ARHGEF10L: variants seen among roughly 807,000 people sequenced by gnomAD.
ARHGEF10L encodes the protein rho guanine nucleotide exchange factor 10-like protein.
A neutral mutation model predicts 141.2 loss-of-function variants in ARHGEF10L; 69 were observed. The ratio of observed to expected loss-of-function variants is 0.49; its 90% CI spans 0.40 to 0.60. The LOEUF (loss-of-function observed/expected upper bound fraction) is 0.60. ARHGEF10L is among the 20% of genes least tolerant of loss of function. ARHGEF10L has a pLI of 0.00. For synonymous variants in ARHGEF10L, 711 were observed against 718.5 expected, an observed-to-expected ratio of 0.99 and a Z score of 0.17; for missense variants, 1,482 against 1,734.3, an observed-to-expected ratio of 0.85 and a Z score of 2.58.
At chr1:17,632,288 T>C (rs1225929687) in intron 15 of ARHGEF10L, 33 bp from the exon 16 acceptor site, 2 of 1,611,270 alleles carry the variant, frequency 1.2e-6, no homozygotes, top group Admixed American at 3.3e-5. Context: ...CGGGCCGCGA[T>C]GCTGATGCTG....
rs200904425 is a variant in ARHGEF10L, at chr1:17,648,733, C to T, written c.2394+58C>T. ...GAAGGTGGCTGCGGCTCCCCCTCGC[C>T]TGGGAGAACCAGAGTTTCCAGGGAG... On this transcript the variant is annotated intron_variant, in intron 22 of 28. Coordinates refer to ENST00000361221, the MANE Select transcript of ARHGEF10L (RefSeq NM_018125.4). 11 of 1,586,064 alleles carry T rather than the reference C, an allele frequency of 6.9e-6. No homozygotes were observed. In the Admixed American group the frequency reaches 1.7e-4, roughly 24 times the overall value.
At chr1:17,535,617 G>A (rs1458554206), upstream of ARHGEF10L, among the ~76,000 whole-genome samples, 5 of 151,556 alleles carry the variant, frequency 3.3e-5, no homozygotes, top group African/African-American at 4.8e-5. Context: ...GGTCAGCAGC[G>A]GAGACAAGGA....
chr1:17,536,108 G>A (rs570434115), upstream of ARHGEF10L, among the ~76,000 whole-genome samples: 1 of 152,354 alleles, frequency 6.6e-6, no homozygotes, highest in South Asian at 2.1e-4. Context: ...CTGGGGGATG[G>A]AGTAGTCAGG....
intron 1 of ARHGEF10L, among the ~76,000 whole-genome samples, chr1:17,577,446 A>G (rs2078268668): frequency 6.6e-6 from 1 of 152,194 alleles, no homozygotes; most frequent in African/African-American, 2.4e-5. Context: ...AGTGGAACCC[A>G]GGTGGTATTG....
chr1:17,632,491 G>T (rs201034542), intron 16 of ARHGEF10L, 25 bp downstream of exon 16: 3 of 1,613,224 alleles, frequency 1.9e-6, no homozygotes, highest in African/African-American at 2.7e-5. Flanking sequence ...GTTGGAGGGG[G>T]CAATCACCCC....
chr1:17,616,937 GC>G (rs2059840969), intron 9 of ARHGEF10L, among the ~76,000 whole-genome samples: 1 of 152,208 alleles, frequency 6.6e-6, no homozygotes, highest in Non-Finnish European at 1.5e-5. Flanking sequence ...TGTGCCAGGT[GC>G]TGCCCTATGA....
At chr1:17,628,211 G>A (rs1465124921) in intron 15 of ARHGEF10L, among the ~76,000 whole-genome samples, 11 of 152,042 alleles carry the variant, frequency 7.2e-5, no homozygotes, top group South Asian at 2.1e-4. Context: ...GGTGGCACAC[G>A]CCTGTAATCC....
chr1:17,636,980 T>G (rs1021262183), intron 18 of ARHGEF10L, among the ~76,000 whole-genome samples: 2 of 151,702 alleles, frequency 1.3e-5, no homozygotes, highest in Non-Finnish European at 2.9e-5. Flanking sequence ...CATCTCACCC[T>G]TACTCCATCT....
chr1:17,643,083 G>T (rs3766306), intron 21 of ARHGEF10L, among the ~76,000 whole-genome samples: 16,842 of 152,188 alleles, frequency 0.11, 1,191 homozygotes, highest in Non-Finnish European at 0.15. Flanking sequence ...TGAATGCCTG[G>T]GTTCCCCTGG....
At chr1:17,622,867 A>G (rs562884235) in intron 11 of ARHGEF10L, 129 bp from the exon 12 acceptor site, 11 of 906,760 alleles carry the variant, frequency 1.2e-5, no homozygotes, top group Admixed American at 1.1e-4. Flanking sequence ...ACGCATGAGG[A>G]GTGAGGGATG....
At chr1:17,565,133 T>C (rs1348019304) in intron 1 of ARHGEF10L, among the ~76,000 whole-genome samples, 3 of 152,194 alleles carry the variant, frequency 2.0e-5, no homozygotes, top group East Asian at 1.9e-4. Context: ...TTATAGATGG[T>C]ACCTTCTCAC....
At position 17,593,520 on chromosome 1, in the gene ARHGEF10L, G is replaced by A. The variant is rs540359413; in HGVS notation, c.257+5041G>A. Among the ~76,000 whole-genome samples the A allele has an allele frequency of 1.1e-3, 173 of 152,282 alleles. 1 individual carries two copies. The highest frequency in any genetic ancestry group is 2.2e-3 in the Admixed American group (34 of 15,292). ...GAGACAGGAGGGCCAGAGTCAGAAA[G>A]AGGTGGGAAGATGCCACGCTCCTGG... is the stretch of plus-strand genomic sequence containing the variant. On this transcript the variant is annotated intron_variant, in intron 4 of 28. Coordinates refer to ENST00000361221, the MANE Select transcript of ARHGEF10L (RefSeq NM_018125.4).
At chr1:17,669,883 C>A (rs559298920) in intron 26 of ARHGEF10L, among the ~76,000 whole-genome samples, 1 of 152,336 alleles carries the variant, frequency 6.6e-6, no homozygotes, top group South Asian at 2.1e-4. Context: ...TGTCAGCTTC[C>A]GCCCAGTGTC....
intron 1 of ARHGEF10L, among the ~76,000 whole-genome samples, chr1:17,567,964 G>T (rs1315887130): frequency 1.3e-5 from 2 of 152,208 alleles, no homozygotes; most frequent in Non-Finnish European, 2.9e-5. Context: ...AAAGAGGAAG[G>T]GGCTGGGTGC....
At chr1:17,689,136 C>A (rs2064860034) in intron 27 of ARHGEF10L, among the ~76,000 whole-genome samples, 1 of 152,062 alleles carries the variant, frequency 6.6e-6, no homozygotes, top group South Asian at 2.1e-4. Context: ...AGAGGCAGGA[C>A]CACAGTCACA....
At chr1:17,569,846 G>T (rs1162001754) in intron 1 of ARHGEF10L, among the ~76,000 whole-genome samples, 1 of 152,236 alleles carries the variant, frequency 6.6e-6, no homozygotes, top group Non-Finnish European at 1.5e-5. Context: ...ATCAGAGGAA[G>T]AATGTGGTCT....
rs2059773949 is a variant in ARHGEF10L at position 17,615,794 on chromosome 1, C to T, written c.727-300C>T. 3.6e-6 allele frequency: 1 copy of T among 277,646 alleles called. No individual in the cohort carries two copies. The highest frequency in any genetic ancestry group is 7.0e-6 in the Non-Finnish European group (1 of 143,076). 17.2% of individuals were successfully genotyped at this position (277,646 alleles called of 1,614,324 possible). On this transcript the variant is annotated intron_variant, in intron 8 of 28. Transcript: ENST00000361221. The surrounding 1 kb of genome is among the most constrained non-coding windows in gnomAD (Gnocchi z 4.7). ...GCCCAGGGCTCCAGGTCTCCAGCAC[C>T]CCTCGGCCCCCTCCTCACCAGGTCA...
At chr1:17,533,370 A>G in the ARHGEF10L span, among the ~76,000 whole-genome samples, 2 of 152,036 alleles carry the variant, frequency 1.3e-5, no homozygotes, top group East Asian at 1.9e-4. Context: ...GGGTCTTGCT[A>G]TGTTGCCCAG....
intron 12 of ARHGEF10L, among the ~76,000 whole-genome samples, chr1:17,624,152 C>G (rs1235952509): frequency 6.6e-6 from 1 of 152,196 alleles, no homozygotes; most frequent in Middle Eastern, 3.2e-3. Context: ...TCCTGTGGCA[C>G]CACCCCATCC....
Sources: allele counts gnomAD v4.1 joint callset (sites outside exome capture counted in the v4.1 genomes callset), GRCh38; gene constraint gnomAD v4.1.1; non-coding constraint Gnocchi (gnomAD v3.1); transcripts MANE v1.5; gene names NCBI Gene and HGNC (gene_info 2026-07-23, HGNC 2026-07-21).